The following DNAH3 variants were observed in gnomAD, a reference collection of about 807,000 sequenced individuals.
DNAH3 encodes dynein axonemal heavy chain 3, also known as axonemal beta dynein heavy chain 3.
DNAH3 carries 332 observed loss-of-function variants against 432.5 expected under a neutral mutation model. That is an observed-to-expected ratio of 0.77 (90% CI 0.70 to 0.84). The LOEUF is 0.84. DNAH3 is among the 40% of genes least tolerant of loss of function. The pLI, the probability that DNAH3 is intolerant of heterozygous loss-of-function variation, is 0.00. For synonymous variants in DNAH3, 1,956 were observed against 1,900.2 expected (o/e 1.03, Z -0.76); for missense variants, 4,861 against 5,114.0 (o/e 0.95, Z 1.51).
intron 39 of DNAH3, 139 bp from the exon 40 acceptor site, chr16:21,022,239 T>C (rs1028028679): frequency 2.4e-6 from 2 of 838,296 alleles, no homozygotes; most frequent in African/African-American, 1.7e-5. Flanking sequence ...GGAAAACTTA[T>C]AGGCAACAAG....
At chr16:21,134,366 G>A in exon 7 of DNAH3, 2 of 1,614,158 alleles carry the variant, frequency 1.2e-6, no homozygotes, top group Non-Finnish European at 1.7e-6. Context: ...AGGGCACAGG[G>A]GCCCGGATCA....
chr16:21,093,023 A>G (rs1416962933), intron 18 of DNAH3, among the ~76,000 whole-genome samples: 4 of 152,152 alleles, frequency 2.6e-5, no homozygotes, highest in African/African-American at 7.2e-5. Flanking sequence ...ACCTGGGGCA[A>G]ATTAGTGAGA....
chr16:21,007,669 T>C (rs62034886), intron 41 of DNAH3, among the ~76,000 whole-genome samples: 220 of 152,322 alleles, frequency 1.4e-3, no homozygotes, highest in Non-Finnish European at 2.7e-3. Context: ...ATTTTTCATT[T>C]GATGTTGTCC....
intron 31 of DNAH3, among the ~76,000 whole-genome samples, chr16:21,048,409 G>A (rs972495770): frequency 2.0e-5 from 3 of 152,198 alleles, no homozygotes; most frequent in Non-Finnish European, 2.9e-5. Context: ...TCAGAAAAGC[G>A]CAGTATTCGG....
intron 3 of DNAH3, 112 bp downstream of exon 4, chr16:21,145,069 G>A (rs536230221): frequency 4.3e-6 from 4 of 938,120 alleles, no homozygotes; most frequent in Non-Finnish European, 4.8e-6. Flanking sequence ...CCACGATCGT[G>A]CCATGGCACT....
intron 44 of DNAH3, among the ~76,000 whole-genome samples, chr16:20,988,905 C>T (rs1306974420): frequency 6.6e-6 from 1 of 152,162 alleles, no homozygotes; most frequent in African/African-American, 2.4e-5. Flanking sequence ...GTGAGTGTTA[C>T]AGCTCTTAAG....
intron 33 of DNAH3, 60 bp downstream of exon 33, chr16:21,039,792 C>T (rs2089344369): frequency 1.6e-6 from 2 of 1,237,160 alleles, no homozygotes; most frequent in African/African-American, 1.5e-5. Context: ...TTGAATCTGC[C>T]ACGCAAAAAG....
intron 40 of DNAH3, among the ~76,000 whole-genome samples, chr16:21,021,290 T>C (rs895208545): frequency 2.0e-5 from 3 of 152,216 alleles, no homozygotes; most frequent in Non-Finnish European, 4.4e-5. Flanking sequence ...ACATTTACTT[T>C]TTTGTTTTTT....
chr16:21,151,626 C>T (rs145023071), intron 1 of DNAH3, among the ~76,000 whole-genome samples: 161 of 152,258 alleles, frequency 1.1e-3, no homozygotes, highest in African/African-American at 3.6e-3. Context: ...CTAAGTCCTG[C>T]ATCCTGGGAG....
At position 20,965,383 on chromosome 16, in the gene DNAH3, A is replaced by G. The variant is rs773003618; in HGVS notation, c.8501T>C (p.Leu2834Pro). Reference sequence around the variant, plus strand: ...ACTCTCCAAGAATTTCAGATCCCCAAGAATCTTTTTGGATACCCCCCAGTA... The same window carrying G: ...ACTCTCCAAGAATTTCAGATCCCCAGGAATCTTTTTGGATACCCCCCAGTA... Residue 2834 changes from leucine to proline, a missense_variant, in exon 53 of 62, where the codon CTT becomes CCT. By Grantham distance (98) the Leu-to-Pro change is moderately conservative. Transcript: ENST00000261383. 8 of 1,536,498 alleles carry G rather than the reference A, an allele frequency of 5.2e-6. No individual in the cohort carries two copies. Among genetic ancestry groups the G allele is most frequent in the Non-Finnish European group, 6.1e-6 (7 of 1,141,784 alleles).
At chr16:21,023,738 G>A (rs1310575987) in intron 39 of DNAH3, among the ~76,000 whole-genome samples, 1 of 151,782 alleles carries the variant, frequency 6.6e-6, no homozygotes, top group African/African-American at 2.4e-5. Flanking sequence ...AGGGACATTG[G>A]GGAGTCCCTA....
intron 56 of DNAH3, among the ~76,000 whole-genome samples, chr16:20,951,683 C>T (rs1218223564): frequency 1.3e-5 from 2 of 151,366 alleles, no homozygotes; most frequent in Non-Finnish European, 2.9e-5. Context: ...TGATCCATCG[C>T]CTCGGTCTCC....
At chr16:20,979,455 G>C (rs574123353) in exon 50 of DNAH3, 1 of 1,614,092 alleles carries the variant, frequency 6.2e-7, no homozygotes, top group African/African-American at 1.3e-5. Flanking sequence ...TAGGAGGTGG[G>C]GGTAACATAG....
At chr16:21,075,556 T>C (rs2090945507) in exon 21 of DNAH3, 4 of 1,612,430 alleles carry the variant, frequency 2.5e-6, no homozygotes, top group Non-Finnish European at 3.4e-6. Context: ...ACCAATGGGC[T>C]CCAATCTAAA....
At chr16:21,147,501 C>T (rs572463667) in intron 1 of DNAH3, among the ~76,000 whole-genome samples, 3 of 152,306 alleles carry the variant, frequency 2.0e-5, no homozygotes, top group African/African-American at 7.2e-5. Context: ...CAGGCATAAG[C>T]CACTCCACCA....
At chr16:20,974,482 C>T (rs1213916362) in intron 51 of DNAH3, among the ~76,000 whole-genome samples, 1 of 151,324 alleles carries the variant, frequency 6.6e-6, no homozygotes, top group African/African-American at 2.4e-5. Flanking sequence ...TAGTTCACTA[C>T]AGCCTCAAAC....
At chr16:20,939,966 T>C (rs899318134) in intron 59 of DNAH3, among the ~76,000 whole-genome samples, 2 of 152,260 alleles carry the variant, frequency 1.3e-5, no homozygotes, top group African/African-American at 2.4e-5. Context: ...GGCTCCATGC[T>C]GTAGTAACTG....
At chr16:21,076,593 T>A (rs2090984360) in intron 20 of DNAH3, among the ~76,000 whole-genome samples, 1 of 152,142 alleles carries the variant, frequency 6.6e-6, no homozygotes, top group South Asian at 2.1e-4. Flanking sequence ...AGGAGATAGA[T>A]CCCAGAACAG....
In DNAH3 at chr16:21,039,852, C is replaced by T. The variant is rs931207457; in HGVS notation, c.4730G>A (p.Ser1577Asn). The T allele has an allele frequency of 1.2e-6, 2 of 1,609,128 alleles. No homozygotes were observed. The highest frequency in any genetic ancestry group is 1.7e-6 in the Non-Finnish European group (2 of 1,175,492). The change falls in exon 33 of 62, where the codon AGT becomes AAT. Residue 1577 changes from serine to asparagine, a missense_variant and splice_region_variant. Ser to Asn is a conservative substitution (Grantham distance 46). Transcript: ENST00000261383. ...GCACTGGAAAACCCATGTAACACAC[C>T]TTCTGGAGTCCAGAAACCCCATGGA...
Sources: gnomAD v4.1 joint callset for allele counts (sites outside exome capture counted in the v4.1 genomes callset) on GRCh38, gnomAD v4.1.1 for gene constraint, MANE v1.5 for transcripts, NCBI Gene and HGNC (gene_info 2026-07-23, HGNC 2026-07-21) for gene names.